ASB9: variants seen among roughly 807,000 people sequenced by gnomAD.
The protein encoded by ASB9 is ankyrin repeat and SOCS box containing 9.
Under a neutral mutation model 16.6 loss-of-function variants are expected in ASB9, and 5 were observed. The observed-to-expected ratio is 0.30, with a 90% CI of 0.16 to 0.63. The LOEUF (loss-of-function observed/expected upper bound fraction) is 0.63. Ranked by LOEUF, ASB9 falls within the 30% of genes least tolerant of loss-of-function variation. The pLI, the probability that ASB9 is intolerant of heterozygous loss-of-function variation, is 0.82. For synonymous variants in ASB9, 100 were observed against 86.4 expected, an observed-to-expected ratio of 1.16 and a Z score of -0.87; for missense variants, 216 against 229.4, an observed-to-expected ratio of 0.94 and a Z score of 0.38.
chrX:15,250,692 A>T, intron 4 of ASB9, 128 bp from the exon 5 acceptor site: 1 of 545,168 alleles, frequency 1.8e-6, no homozygotes, highest in Non-Finnish European at 2.9e-6. Flanking sequence ...TATTTCCTTC[A>T]ATTAGAATCA....
chrX:15,266,335 A>AT (rs1926389200), intron 1 of ASB9, among the ~76,000 whole-genome samples: 1 of 112,111 alleles, frequency 8.9e-6, no homozygotes, highest in Admixed American at 9.4e-5. Flanking sequence ...ATCTCCCACG[A>AT]TTCCAACACA....
chrX:15,252,118 C>A, intron 4 of ASB9, 136 bp downstream of exon 4: 1 of 680,283 alleles, frequency 1.5e-6, no homozygotes. Context: ...CAGGCCAGGT[C>A]ATGCTGATGC....
chrX:15,263,421 A>G (rs1280142547), intron 1 of ASB9, among the ~76,000 whole-genome samples: 1 of 111,331 alleles, frequency 9.0e-6, no homozygotes, highest in Admixed American at 9.6e-5. Flanking sequence ...GAGGAGAAAA[A>G]GAAACAAGAG....
intron 2 of ASB9, among the ~76,000 whole-genome samples, chrX:15,255,919 T>C (rs1012579096): frequency 4.5e-5 from 5 of 111,872 alleles, no homozygotes; most frequent in Middle Eastern, 4.6e-3. Context: ...GATTTAATAA[T>C]ATTTGTAATA....
At chrX:15,262,281 A>G (rs183721484) in intron 1 of ASB9, among the ~76,000 whole-genome samples, 3 of 112,001 alleles carry the variant, frequency 2.7e-5, no homozygotes, top group East Asian at 2.8e-4. Flanking sequence ...TTGAGCAGAT[A>G]TATGTTTTCA....
intron 1 of ASB9, among the ~76,000 whole-genome samples, chrX:15,260,215 T>C (rs1455939439): frequency 8.9e-6 from 1 of 111,853 alleles, no homozygotes; most frequent in African/African-American, 3.3e-5. Flanking sequence ...CCTTGCAACA[T>C]GGTGAAACAC....
At position 15,244,495 on chromosome X, in the gene ASB9, C is replaced by G. The variant is rs1206139608; in HGVS notation, c.*11G>C. 8.4e-7 allele frequency: 1 copy of G among 1,190,706 alleles called. No individual in the cohort carries two copies. Among genetic ancestry groups the G allele is most frequent in the Non-Finnish European group, 1.1e-6 (1 of 877,562 alleles). On this transcript the variant is annotated 3_prime_UTR_variant, in exon 7 of 7. Transcript: ENST00000380488. ...TTTCACATCGTTTGTGAATCCATTC[C>G]CTAGATGCATTTAAAGATGTAGGAG...
chrX:15,257,639 C>T (rs1327822552), intron 2 of ASB9, among the ~76,000 whole-genome samples: 2 of 111,572 alleles, frequency 1.8e-5, no homozygotes, highest in African/African-American at 3.3e-5. Flanking sequence ...AAATTATTAA[C>T]AAGTCTGAGT....
intron 1 of ASB9, 66 bp downstream of exon 1, chrX:15,269,715 A>C: frequency 1.0e-6 from 1 of 981,360 alleles, no homozygotes; most frequent in African/African-American, 1.9e-5. Flanking sequence ...GAAACTGCCC[A>C]ACCCTCCTCT....
chrX:15,257,445 A>G (rs1203851358), intron 2 of ASB9, among the ~76,000 whole-genome samples: 1 of 111,067 alleles, frequency 9.0e-6, no homozygotes, highest in East Asian at 2.8e-4. Flanking sequence ...ATAAAAATAA[A>G]ACCAGCATTT....
At chrX:15,258,259 A>C (rs1925730337) in intron 2 of ASB9, among the ~76,000 whole-genome samples, 1 of 112,235 alleles carries the variant, frequency 8.9e-6, no homozygotes, top group Non-Finnish European at 1.9e-5. Flanking sequence ...ACACATAAAT[A>C]CTGAATGTAA....
chrX:15,260,270 C>A (rs1051987006), intron 1 of ASB9, among the ~76,000 whole-genome samples: 3 of 111,701 alleles, frequency 2.7e-5, no homozygotes, highest in Middle Eastern at 9.2e-3. Context: ...TGGTGGCTCA[C>A]GCCTATAATC....
chrX:15,250,631 T>A (rs1160108146), intron 4 of ASB9, 67 bp from the exon 5 acceptor site: 1 of 1,065,556 alleles, frequency 9.4e-7, no homozygotes, highest in Non-Finnish European at 1.3e-6. Flanking sequence ...GACATTGCCA[T>A]CCCCATTTTG....
intron 5 of ASB9, among the ~76,000 whole-genome samples, chrX:15,250,151 G>A (rs761720415): frequency 9.1e-6 from 1 of 110,429 alleles, no homozygotes; most frequent in African/African-American, 3.3e-5. Context: ...AGGAAAGGGA[G>A]GAGAAACTAA....
chrX:15,267,695 G>C, intron 1 of ASB9, among the ~76,000 whole-genome samples: 1 of 97,199 alleles, frequency 1.0e-5, no homozygotes, highest in East Asian at 3.3e-4. Flanking sequence ...AGTGAGCTGA[G>C]ATTGCTCCAC....
At chrX:15,255,687 T>G (rs1925477390) in intron 2 of ASB9, among the ~76,000 whole-genome samples, 1 of 111,725 alleles carries the variant, frequency 9.0e-6, no homozygotes, top group South Asian at 3.7e-4. Flanking sequence ...GTGGCCCAAA[T>G]TGCTAAGTTT....
rs755776138 is a variant in ASB9, at chrX:15,254,842, C to A, written c.177G>T (p.Gly59=). 1.7e-6 allele frequency: 2 copies of A among 1,204,497 alleles called. No homozygotes were observed. Among genetic ancestry groups the A allele is most frequent in the Admixed American group, 2.2e-5 (1 of 45,949 alleles). ...QLSLRNLISQ[G]WAVNIITADH... is the part of the protein sequence containing the mutation. The stretch of plus-strand genomic sequence containing the variant: ...CTGCCGTGATGATGTTCACAGCCCA[C>A]CCCTGAAGGAGGGGAAACAGTCAGA... Residue 59 remains glycine (G), a splice_region_variant and synonymous_variant, in exon 3 of 7, where the codon GGG becomes GGT. Coordinates refer to ENST00000380488, the MANE Select transcript of ASB9 (RefSeq NM_001031739.3).
chrX:15,251,148 CA>C (rs747885600), intron 4 of ASB9, among the ~76,000 whole-genome samples: 1 of 112,425 alleles, frequency 8.9e-6, no homozygotes, highest in Non-Finnish European at 1.9e-5. Context: ...CCACCTTTTT[CA>C]ATTGTCTGTG....
Position 15,248,835 on chromosome X carries a change from C to T in ASB9, c.669G>A (p.Ala223=), listed in dbSNP as rs1924870716. Residue 223 remains alanine (A), a synonymous_variant, in exon 6 of 7, where the codon GCG becomes GCA. Transcript: ENST00000380488. ...CTTCAGCATTCTTGGCCTGGGTGTC[C>T]GCTCCAAAATCCATGAGCAGGCAGG... ...ELACLLMDFG[A]DTQAKNAEGK... is the part of the protein sequence containing the mutation. The T allele has an allele frequency of 1.7e-6, 2 of 1,211,780 alleles. No individual in the cohort carries two copies. The highest frequency in any genetic ancestry group is 1.1e-6 in the Non-Finnish European group (1 of 895,422).
Sources: allele counts gnomAD v4.1 joint callset (sites outside exome capture counted in the v4.1 genomes callset), GRCh38; gene constraint gnomAD v4.1.1; transcripts MANE v1.5; gene names NCBI Gene and HGNC (gene_info 2026-07-23, HGNC 2026-07-21).